Variants in DYM observed in about 807,000 individuals in gnomAD.
DYM encodes dymeclin.
Under a neutral mutation model 93.1 loss-of-function variants are expected in DYM, and 78 were observed. The observed-to-expected ratio is 0.84, with a 90% CI of 0.70 to 1.01. The LOEUF (loss-of-function observed/expected upper bound fraction) is 1.01. Ranked by LOEUF, DYM falls within the 50% of genes least tolerant of loss-of-function variation. The pLI is 0.00. For synonymous variants in DYM, 321 were observed against 319.7 expected (o/e 1.00, Z -0.04); for missense variants, 789 against 845.0 (o/e 0.93, Z 0.82).
chr18:49,122,010 G>C (rs9951734), intron 15 of DYM, among the ~76,000 whole-genome samples: 148 of 152,252 alleles, frequency 9.7e-4, no homozygotes, highest in African/African-American at 3.4e-3. Flanking sequence ...CTAAAAGAGA[G>C]CTGACTTATA....
intron 17 of DYM, among the ~76,000 whole-genome samples, chr18:49,094,779 TA>T (rs2079393201): frequency 6.6e-6 from 1 of 152,236 alleles, no homozygotes; most frequent in African/African-American, 2.4e-5. Flanking sequence ...GGAAGAATAC[TA>T]CTTCTACAAA....
intron 1 of DYM, among the ~76,000 whole-genome samples, chr18:49,436,936 A>T (rs146384973): frequency 7.7e-4 from 117 of 152,346 alleles, no homozygotes; most frequent in African/African-American, 2.6e-3. Context: ...TAGGAGTTTA[A>T]GTACATGAAT....
rs201279894 is a variant in DYM at position 49,112,658 on chromosome 18, AT to A, written c.1911+6085del. The stretch of plus-strand genomic sequence containing the variant: ...AGCAGAAGTCCACTGTAGGGAATTT[AT>A]TTTTTAGTAGTAAATTTACTGAGGT... On this transcript the variant is annotated intron_variant, in intron 16 of 17. Coordinates refer to ENST00000675505, the MANE Select transcript of DYM (RefSeq NM_001353214.3). 5.9e-3 allele frequency among the ~76,000 whole-genome samples: 906 copies of A among 152,310 alleles called. 31 individuals are homozygous for A. The highest frequency in any genetic ancestry group is 0.055 in the Admixed American group (842 of 15,296).
At chr18:49,191,184 TTTAC>T (rs1460912060) in intron 14 of DYM, among the ~76,000 whole-genome samples, 2 of 152,072 alleles carry the variant, frequency 1.3e-5, no homozygotes, top group East Asian at 1.9e-4. Flanking sequence ...CTTCTGCTTG[TTTAC>T]TTAAAGTTAG....
At chr18:49,108,256 A>C (rs2081054513) in intron 16 of DYM, among the ~76,000 whole-genome samples, 1 of 152,230 alleles carries the variant, frequency 6.6e-6, no homozygotes, top group South Asian at 2.1e-4. Context: ...CCGTTGGAAA[A>C]GCACAGTATT....
chr18:49,415,637 G>A (rs1261204383), intron 2 of DYM, among the ~76,000 whole-genome samples: 1 of 151,962 alleles, frequency 6.6e-6, no homozygotes, highest in African/African-American at 2.4e-5. Flanking sequence ...TTTATAAAAA[G>A]TAGGGTGTGG....
chr18:49,294,623 C>A lies in DYM; in HGVS notation c.764-8007G>T, dbSNP rs867588840. ...AAATAATAATCAAGGAAAAAATAAACCTCATTTTTAAAAAATGAACTCAAA... is the reference window on the plus strand; with the variant it reads ...AAATAATAATCAAGGAAAAAATAAAACTCATTTTTAAAAAATGAACTCAAA... On this transcript the variant is annotated intron_variant, in intron 8 of 17. Coordinates refer to ENST00000675505, the MANE Select transcript of DYM (RefSeq NM_001353214.3). Among the ~76,000 whole-genome samples the A allele has an allele frequency of 3.9e-5, 6 of 152,020 alleles. No homozygotes were observed. In the South Asian group the frequency reaches 1.2e-3, roughly 32 times the overall value.
rs190339320 is a variant in DYM at position 49,220,734 on chromosome 18, C to A, written c.1461-11019G>T. Among the ~76,000 whole-genome samples, 57 of 152,310 alleles carry A rather than the reference C, an allele frequency of 3.7e-4. No homozygotes were observed. In the East Asian group the frequency reaches 5.4e-3, roughly 14 times the overall value. Reference sequence around the variant, plus strand: ...AAGCTGAAACTGGATCTCTTCCTTACATCTTATACAAAAATTAATTCAAGA... The same window carrying A: ...AAGCTGAAACTGGATCTCTTCCTTAAATCTTATACAAAAATTAATTCAAGA... On this transcript the variant is annotated intron_variant, in intron 13 of 17. Coordinates refer to ENST00000675505, the MANE Select transcript of DYM (RefSeq NM_001353214.3).
intron 8 of DYM, chr18:49,321,414 A>G (rs1165736164): frequency 2.5e-6 from 1 of 398,152 alleles, no homozygotes; most frequent in East Asian, 3.6e-5. Context: ...GGTGGGCTTA[A>G]TGATTCCCAA....
intron 3 of DYM, among the ~76,000 whole-genome samples, chr18:49,390,184 G>A (rs145584016): frequency 7.3e-4 from 111 of 152,300 alleles, no homozygotes; most frequent in Non-Finnish European, 1.2e-3. Flanking sequence ...ACACTTTGGG[G>A]GTCCAAGGTA....
chr18:49,389,673 A>AT (rs2069000075), intron 3 of DYM, among the ~76,000 whole-genome samples: 1 of 151,670 alleles, frequency 6.6e-6, no homozygotes, highest in Non-Finnish European at 1.5e-5. Flanking sequence ...AGTTTTTTCA[A>AT]TTTTTTTGCG....
chr18:49,132,315 G>A (rs749378009), intron 15 of DYM, among the ~76,000 whole-genome samples: 4 of 152,068 alleles, frequency 2.6e-5, no homozygotes, highest in Non-Finnish European at 4.4e-5. Context: ...CTACTTTTGT[G>A]TATGTTTGAA....
chr18:49,302,193 G>A (rs2060979135), intron 8 of DYM, among the ~76,000 whole-genome samples: 1 of 152,188 alleles, frequency 6.6e-6, no homozygotes, highest in East Asian at 1.9e-4. Flanking sequence ...GAAGAAAACT[G>A]CTCTTCTATC....
chr18:49,101,265 T>C (rs1181285686), intron 16 of DYM, among the ~76,000 whole-genome samples: 1 of 152,214 alleles, frequency 6.6e-6, no homozygotes, highest in Non-Finnish European at 1.5e-5. Flanking sequence ...GTCAGTGTAA[T>C]TCAAAGACAA....
intron 1 of DYM, chr18:49,431,818 C>T (rs1173384404): frequency 1.3e-5 from 2 of 151,974 alleles, no homozygotes; most frequent in East Asian, 1.9e-4. Flanking sequence ...AAGATGCTTC[C>T]CCGATGATGC....
chr18:49,163,790 G>T lies in DYM; in HGVS notation c.1626-3C>A. On this transcript the variant is annotated splice_polypyrimidine_tract_variant and splice_region_variant and intron_variant, in intron 14 of 17. Coordinates refer to ENST00000675505, the MANE Select transcript of DYM (RefSeq NM_001353214.3). ...TTTTAGACAGCAAAGAAAATAAACT[G>T]GAAAAACAAACAAAAAACCAATTAT... The T allele has an allele frequency of 1.9e-6, 3 of 1,596,138 alleles. No individual in the cohort carries two copies. The African/African-American group carries it at 4.0e-5, about 21-fold the overall frequency.
intron 17 of DYM, among the ~76,000 whole-genome samples, chr18:49,081,475 G>C (rs1381095724): frequency 1.3e-5 from 2 of 149,588 alleles, no homozygotes; most frequent in African/African-American, 2.5e-5. Context: ...CTTTGGCTCG[G>C]CATCAGAGGG....
chr18:49,296,713 TA>T (rs1238049032), intron 8 of DYM, among the ~76,000 whole-genome samples: 2 of 152,220 alleles, frequency 1.3e-5, no homozygotes, highest in Non-Finnish European at 2.9e-5. Context: ...CCTACCTTTT[TA>T]AAATTTTCTC....
At chr18:49,433,847 GAC>G (rs1452282491) in intron 1 of DYM, among the ~76,000 whole-genome samples, 5 of 151,288 alleles carry the variant, frequency 3.3e-5, no homozygotes, top group Non-Finnish European at 5.9e-5. Flanking sequence ...CAGCCTGGGC[GAC>G]AGAGTGAAAC....
Sources: allele counts gnomAD v4.1 joint callset (sites outside exome capture counted in the v4.1 genomes callset), GRCh38; gene constraint gnomAD v4.1.1; transcripts MANE v1.5; gene names NCBI Gene and HGNC (gene_info 2026-07-23, HGNC 2026-07-21).